TPTE2: variants seen among roughly 807,000 people sequenced by gnomAD.
The protein encoded by TPTE2 is phosphatidylinositol 3,4,5-trisphosphate 3-phosphatase TPTE2.
In TPTE2, 53 loss-of-function variants were observed where a neutral mutation model predicts 78.6. That is an observed-to-expected ratio of 0.67 (90% CI 0.54 to 0.85). The LOEUF is 0.85. TPTE2 is among the 40% of genes least tolerant of loss of function. The probability of loss-of-function intolerance (pLI) is 0.00; values close to 1 mark genes in which losing one functional copy is unlikely to be tolerated. For missense variants in TPTE2, 461 were observed against 623.0 expected, an observed-to-expected ratio of 0.74 and a Z score of 2.77; for synonymous variants, 175 against 206.2, an observed-to-expected ratio of 0.85 and a Z score of 1.30.
intron 4 of TPTE2, among the ~76,000 whole-genome samples, chr13:19,479,113 C>T (rs2137603912): frequency 6.6e-6 from 1 of 152,184 alleles, no homozygotes; most frequent in Non-Finnish European, 1.5e-5. Context: ...AAATATGTAA[C>T]AAACCTGCAC....
At chr13:19,484,524 T>A (rs1207735599) in intron 3 of TPTE2, among the ~76,000 whole-genome samples, 1 of 152,190 alleles carries the variant, frequency 6.6e-6, no homozygotes, top group Non-Finnish European at 1.5e-5. Context: ...CTTTGTTGAT[T>A]TTCTGTCTAG....
rs1434141192 is a variant in TPTE2 at position 19,463,543 on chromosome 13, G to A, written c.741+913C>T. On this transcript the variant is annotated intron_variant, in intron 10 of 19. Transcript: ENST00000400230. ...TATTGTATTTCTTTGGAGGTGTAATGTTTCCTTGCTTTTCATGTTTCTTGT... is the reference window on the plus strand; with the variant it reads ...TATTGTATTTCTTTGGAGGTGTAATATTTCCTTGCTTTTCATGTTTCTTGT... Among the ~76,000 whole-genome samples the A allele has an allele frequency of 3.3e-5, 5 of 152,144 alleles. 1 individual carries two copies. In the East Asian group the frequency reaches 9.6e-4, roughly 29 times the overall value.
chr13:19,476,951 G>A (rs1432059475), intron 4 of TPTE2, among the ~76,000 whole-genome samples: 4 of 152,056 alleles, frequency 2.6e-5, no homozygotes, highest in African/African-American at 7.2e-5. Context: ...GCAAAGACAT[G>A]GAATCAACCT....
intron 13 of TPTE2, among the ~76,000 whole-genome samples, chr13:19,443,618 G>A (rs1877629148): frequency 2.0e-5 from 3 of 151,896 alleles, no homozygotes; most frequent in African/African-American, 7.3e-5. Flanking sequence ...TGCCTAGGCT[G>A]GTCTTAAACT....
the TPTE2 span, among the ~76,000 whole-genome samples, chr13:19,555,362 A>G: frequency 6.6e-6 from 1 of 152,234 alleles, no homozygotes; most frequent in Non-Finnish European, 1.5e-5. Context: ...ATGGAACAGA[A>G]TAACTCATTC....
chr13:19,469,368 T>G (rs1474658192), intron 6 of TPTE2, among the ~76,000 whole-genome samples: 2 of 152,224 alleles, frequency 1.3e-5, no homozygotes, highest in Admixed American at 6.5e-5. Flanking sequence ...TTCTCTATTC[T>G]GTTCCAGTGG....
the TPTE2 span, chr13:19,560,719 T>G: frequency 6.7e-7 from 1 of 1,492,476 alleles, no homozygotes; most frequent in South Asian, 1.2e-5. Context: ...GCCTGTCGTC[T>G]GGGGGCCTCC....
chr13:19,488,102 G>A (rs1880766500), intron 3 of TPTE2, among the ~76,000 whole-genome samples: 1 of 152,176 alleles, frequency 6.6e-6, no homozygotes, highest in Non-Finnish European at 1.5e-5. Flanking sequence ...CCACAGATGT[G>A]TCTGCACTCC....
At chr13:19,476,980 G>A (rs952685651) in intron 4 of TPTE2, among the ~76,000 whole-genome samples, 31 of 152,224 alleles carry the variant, frequency 2.0e-4, no homozygotes, top group Non-Finnish European at 4.0e-4. Context: ...ATCAATGACA[G>A]ACTGGATAAA....
intron 4 of TPTE2, among the ~76,000 whole-genome samples, chr13:19,477,871 A>G (rs537075441): frequency 1.5e-3 from 236 of 152,352 alleles, no homozygotes; most frequent in Non-Finnish European, 2.7e-3. Flanking sequence ...ATCCATATCC[A>G]GGAAAAGTAC....
rs1346527201 is a variant in TPTE2, at chr13:19,535,350, C to A, written c.-44+1246G>T. ...ATGGTCCCAACTGTGGAGGTATCAT[C>A]ATCTTCCAAAGCTATCTACAAAAAG... is the stretch of plus-strand genomic sequence containing the variant. On this transcript the variant is annotated intron_variant, in intron 1 of 17. Coordinates refer to the TPTE2 transcript ENST00000390680. The surrounding 1 kb of genome is among the most constrained non-coding windows in gnomAD (Gnocchi z 5.1). Among the ~76,000 whole-genome samples, 1 of 151,956 alleles carries A rather than the reference C, an allele frequency of 6.6e-6. No homozygotes were observed. The highest frequency in any genetic ancestry group is 1.5e-5 in the Non-Finnish European group (1 of 67,998).
At chr13:19,470,942 G>T (rs1486924222) in intron 6 of TPTE2, among the ~76,000 whole-genome samples, 2 of 144,270 alleles carry the variant, frequency 1.4e-5, no homozygotes, top group Non-Finnish European at 3.1e-5. Context: ...ATGGAGTCTT[G>T]CTCTGTCACC....
intron 13 of TPTE2, among the ~76,000 whole-genome samples, chr13:19,442,124 T>C (rs1755169466): frequency 1.3e-5 from 2 of 152,122 alleles, no homozygotes; most frequent in Admixed American, 1.3e-4. Flanking sequence ...GCATAATACA[T>C]GTTCTTTTCA....
chr13:19,430,663 C>T (rs944589986), intron 16 of TPTE2, 116 bp from the exon 20 acceptor site: 15 of 663,240 alleles, frequency 2.3e-5, no homozygotes, highest in African/African-American at 2.2e-4. Context: ...AACAACGTAT[C>T]AATAGTTACT....
At chr13:19,499,259 C>G (rs1424559630) in intron 1 of TPTE2, among the ~76,000 whole-genome samples, 15 of 151,912 alleles carry the variant, frequency 9.9e-5, no homozygotes, top group East Asian at 1.9e-4. Context: ...AAGTCAACAA[C>G]GATACCCAGG....
At chr13:19,492,247 G>A (rs936883994) in intron 3 of TPTE2, among the ~76,000 whole-genome samples, 7 of 152,110 alleles carry the variant, frequency 4.6e-5, no homozygotes, top group African/African-American at 1.4e-4. Flanking sequence ...TGAGGAAAGC[G>A]GCATCCAATG....
intron 1 of TPTE2, among the ~76,000 whole-genome samples, chr13:19,496,955 G>C (rs544977176): frequency 6.6e-6 from 1 of 152,190 alleles, no homozygotes; most frequent in South Asian, 2.1e-4. Flanking sequence ...CCGTGCGCGA[G>C]CCGAAGCAGG....
intron 1 of TPTE2, among the ~76,000 whole-genome samples, chr13:19,497,224 G>A (rs1427333023): frequency 6.7e-6 from 1 of 148,518 alleles, no homozygotes; most frequent in Non-Finnish European, 1.5e-5. Flanking sequence ...GGCTGGGGGA[G>A]GGGCGCCCGA....
chr13:19,467,130 A>C, intron 7 of TPTE2, 95 bp downstream of exon 10: 1 of 1,362,968 alleles, frequency 7.3e-7, no homozygotes, highest in Non-Finnish European at 9.9e-7. Context: ...ATAGATGAGA[A>C]CATTTGAAGT....
Sources: gnomAD v4.1 joint callset for allele counts (sites outside exome capture counted in the v4.1 genomes callset) on GRCh38, gnomAD v4.1.1 for gene constraint, Gnocchi (gnomAD v3.1) non-coding constraint, MANE v1.5 for transcripts, NCBI Gene and HGNC (gene_info 2026-07-23, HGNC 2026-07-21) for gene names.